The following PAN3 variants were observed in gnomAD, a reference collection of about 807,000 sequenced individuals.
The protein encoded by PAN3 is PAN2-PAN3 deadenylation complex subunit PAN3.
Under a neutral mutation model 96.2 loss-of-function variants are expected in PAN3, and 19 were observed. The ratio of observed to expected loss-of-function variants is 0.20; its 90% CI spans 0.14 to 0.29. The LOEUF (loss-of-function observed/expected upper bound fraction) is 0.29, where lower values mean the gene tolerates loss of function less well. Among genes scored for constraint, PAN3 ranks in the 10% least tolerant of loss-of-function variants. PAN3 has a pLI of 1.00. For missense variants in PAN3, 882 were observed against 1,108.1 expected (o/e 0.80, Z 2.90); for synonymous variants, 433 against 406.6 (o/e 1.06, Z -0.78).
At chr13:28,191,080 A>G (rs982836254) in intron 4 of PAN3, among the ~76,000 whole-genome samples, 2 of 152,210 alleles carry the variant, frequency 1.3e-5, no homozygotes, top group African/African-American at 4.8e-5. Context: ...GGTCTAGGTA[A>G]GGATTTCTAG....
intron 1 of PAN3, among the ~76,000 whole-genome samples, chr13:28,157,624 A>G (rs1872368643): frequency 6.6e-6 from 1 of 152,182 alleles, no homozygotes; most frequent in Admixed American, 6.6e-5. Flanking sequence ...CGTGAAAAAT[A>G]AAATACCTAG....
At chr13:28,264,288 C>CA (rs1319860661) in intron 9 of PAN3, among the ~76,000 whole-genome samples, 20 of 152,124 alleles carry the variant, frequency 1.3e-4, no homozygotes, top group African/African-American at 4.6e-4. Context: ...CCTGTAATCC[C>CA]AGCACTTTGG....
At chr13:28,247,445 C>A (rs1884309463) in intron 6 of PAN3, among the ~76,000 whole-genome samples, 1 of 152,030 alleles carries the variant, frequency 6.6e-6, no homozygotes, top group South Asian at 2.1e-4. Context: ...CTAATATAGT[C>A]CCATTTGTCT....
chr13:28,250,561 T>A (rs1884625521), intron 6 of PAN3, among the ~76,000 whole-genome samples: 2 of 152,148 alleles, frequency 1.3e-5, no homozygotes, highest in Non-Finnish European at 2.9e-5. Flanking sequence ...GACACGGGGT[T>A]TCAGCATGTT....
chr13:28,254,497 A>G (rs1884982708), intron 6 of PAN3, among the ~76,000 whole-genome samples: 1 of 152,168 alleles, frequency 6.6e-6, no homozygotes, highest in South Asian at 2.1e-4. Flanking sequence ...AAAGTCTTAG[A>G]GACTAGCTTT....
At chr13:28,174,074 TA>T (rs1005151868) in intron 1 of PAN3, among the ~76,000 whole-genome samples, 197 bp from the exon 2 acceptor site, 3 of 152,200 alleles carry the variant, frequency 2.0e-5, no homozygotes, top group Non-Finnish European at 2.9e-5. Context: ...CTGTGGGAAA[TA>T]ATTAGTCAGC....
chr13:28,242,736 C>CT (rs1411709769), intron 6 of PAN3, among the ~76,000 whole-genome samples: 1 of 152,126 alleles, frequency 6.6e-6, no homozygotes, highest in Non-Finnish European at 1.5e-5. Context: ...CTGTATCAAT[C>CT]TTTAGAGAAT....
chr13:28,243,334 A>AC (rs1883855959), intron 6 of PAN3, among the ~76,000 whole-genome samples: 1 of 152,236 alleles, frequency 6.6e-6, no homozygotes, highest in Non-Finnish European at 1.5e-5. Context: ...GAATGGATTT[A>AC]AAACCTTGAC....
intron 18 of PAN3, 44 bp from the exon 19 acceptor site, chr13:28,292,338 T>A (rs746041984): frequency 6.7e-7 from 1 of 1,500,080 alleles, no homozygotes; most frequent in Admixed American, 2.2e-5. Flanking sequence ...TAAATTCTTT[T>A]CTGCATGTTA....
chr13:28,254,545 T>C (rs1189571237), intron 6 of PAN3, among the ~76,000 whole-genome samples: 1 of 152,176 alleles, frequency 6.6e-6, no homozygotes, highest in Non-Finnish European at 1.5e-5. Flanking sequence ...TTTAGACAAG[T>C]AGGGAGTTTT....
chr13:28,147,274 A>G (rs9513049), intron 1 of PAN3, among the ~76,000 whole-genome samples: 152,066 of 152,328 alleles, frequency 1, 75,902 homozygotes, highest in Non-Finnish European at 1. Flanking sequence ...TTCATTTATC[A>G]GAATGTAGCC....
chr13:28,286,307 A>ATCT (rs1868965381), intron 17 of PAN3, among the ~76,000 whole-genome samples: 1 of 152,164 alleles, frequency 6.6e-6, no homozygotes, highest in African/African-American at 2.4e-5. Flanking sequence ...TCAGCTCTTC[A>ATCT]TCTTCTGGTT....
intron 6 of PAN3, among the ~76,000 whole-genome samples, chr13:28,245,652 G>T (rs1006206788): frequency 3.9e-5 from 6 of 152,118 alleles, no homozygotes; most frequent in African/African-American, 1.4e-4. Context: ...AAAGGAAACT[G>T]TATCTGTTAA....
At chr13:28,257,687 TATAA>T (rs974769130) in intron 7 of PAN3, among the ~76,000 whole-genome samples, 6 of 134,596 alleles carry the variant, frequency 4.5e-5, no homozygotes, top group Admixed American at 1.6e-4. Flanking sequence ...TATTAAATTA[TATAA>T]ATATATATTA....
chr13:28,192,412 A>G (rs951413744), intron 4 of PAN3, among the ~76,000 whole-genome samples: 2 of 152,260 alleles, frequency 1.3e-5, no homozygotes, highest in African/African-American at 2.4e-5. Context: ...TTTGTTCTCA[A>G]ACTTCACCTT....
intron 17 of PAN3, among the ~76,000 whole-genome samples, chr13:28,287,304 A>G (rs1478603037): frequency 6.6e-6 from 1 of 152,220 alleles, no homozygotes; most frequent in Non-Finnish European, 1.5e-5. Context: ...TGGGAATTGT[A>G]TCACAGTTTG....
intron 17 of PAN3, among the ~76,000 whole-genome samples, chr13:28,284,188 G>C (rs1188884214): frequency 6.6e-6 from 1 of 152,084 alleles, no homozygotes; most frequent in South Asian, 2.1e-4. Flanking sequence ...CAACCTTGTA[G>C]GTGAAAAATT....
chr13:28,156,685 G>T (rs1872212961), intron 1 of PAN3, among the ~76,000 whole-genome samples: 1 of 152,120 alleles, frequency 6.6e-6, no homozygotes, highest in Non-Finnish European at 1.5e-5. Context: ...ACTGAATCCA[G>T]CAGCATAACA....
intron 6 of PAN3, among the ~76,000 whole-genome samples, chr13:28,224,854 C>G (rs1202804788): frequency 1.3e-5 from 2 of 152,148 alleles, no homozygotes; most frequent in African/African-American, 4.8e-5. Context: ...AAACTAGCCT[C>G]AAGTGATCCT....
Sources: allele counts gnomAD v4.1 joint callset (sites outside exome capture counted in the v4.1 genomes callset), GRCh38; gene constraint gnomAD v4.1.1; transcripts MANE v1.5; gene names NCBI Gene and HGNC (gene_info 2026-07-23, HGNC 2026-07-21).